The following EGLN1 variants were observed in gnomAD, a reference collection of about 807,000 sequenced individuals.
The protein encoded by EGLN1 is egl nine homolog 1.
Under a neutral mutation model 38.3 loss-of-function variants are expected in EGLN1, and 17 were observed. That is an observed-to-expected ratio of 0.44 (90% CI 0.30 to 0.67). The LOEUF (loss-of-function observed/expected upper bound fraction) is 0.67. EGLN1 is among the 30% of genes least tolerant of loss of function. EGLN1 has a pLI of 0.08. For synonymous variants in EGLN1, 283 were observed against 257.5 expected, an observed-to-expected ratio of 1.10 and a Z score of -0.95; for missense variants, 477 against 603.3, an observed-to-expected ratio of 0.79 and a Z score of 2.19.
At chr1:231,411,683 C>T (rs1688945681) in intron 1 of EGLN1, among the ~76,000 whole-genome samples, 1 of 152,058 alleles carries the variant, frequency 6.6e-6, no homozygotes, top group African/African-American at 2.4e-5. Flanking sequence ...GAATCAAAAG[C>T]AAGGCTTCCT....
At chr1:231,382,304 C>G (rs980431693) in intron 1 of EGLN1, among the ~76,000 whole-genome samples, 4 of 152,096 alleles carry the variant, frequency 2.6e-5, no homozygotes, top group African/African-American at 7.2e-5. Flanking sequence ...TTTTAATGGA[C>G]TAGAGGACAT....
intron 1 of EGLN1, among the ~76,000 whole-genome samples, chr1:231,380,291 G>A (rs1688051141): frequency 7.0e-6 from 1 of 142,600 alleles, no homozygotes; most frequent in Admixed American, 7.4e-5. Flanking sequence ...ACTCAAGCCT[G>A]GGCGACAGAG....
At position 231,363,981 on chromosome 1, in the gene EGLN1, A is replaced by G. The variant is rs1687568723; in HGVS notation, c.*2430T>C. On this transcript the variant is annotated 3_prime_UTR_variant, in exon 5 of 5. Coordinates refer to ENST00000366641, the MANE Select transcript of EGLN1 (RefSeq NM_022051.3). ...GCTTTATCTTTAACCAGGATTAAAC[A>G]CATATAGGCCACAAACAGTTTTAAA... 6.6e-6 allele frequency: 1 copy of G among 152,210 alleles called. No homozygotes were observed. The highest frequency in any genetic ancestry group is 2.4e-5 in the African/African-American group (1 of 41,444). The allele number at this position is 152,210 out of a possible 1,614,324, so 9.4% of individuals were successfully genotyped here.
Position 231,387,626 on chromosome 1 carries a change from T to TG in EGLN1, c.892-13528dup, listed in dbSNP as rs563329544. On this transcript the variant is annotated intron_variant, in intron 1 of 4. Transcript: ENST00000366641. ...TGCCCGCCTCGGCCTCCCAAAGTGC[T>TG]GGGATTATAGGCGTGAGCCACCACA... Among the ~76,000 whole-genome samples the TG allele has an allele frequency of 1.0e-3, 157 of 152,324 alleles. 1 individual carries two copies. The highest frequency in any genetic ancestry group is 3.7e-3 in the African/African-American group (152 of 41,566).
intron 1 of EGLN1, among the ~76,000 whole-genome samples, chr1:231,401,191 A>G (rs1214559966): frequency 2.0e-5 from 3 of 152,222 alleles, no homozygotes; most frequent in Non-Finnish European, 2.9e-5. Context: ...GTTAAGCTCT[A>G]GAATCAAACT....
chr1:231,420,596 C>T (rs1330598137), intron 1 of EGLN1, among the ~76,000 whole-genome samples: 1 of 152,142 alleles, frequency 6.6e-6, no homozygotes, highest in Non-Finnish European at 1.5e-5. Flanking sequence ...ACAGCTTATG[C>T]AAACACAAGG....
At chr1:231,369,603 G>A (rs558948855) in intron 3 of EGLN1, 14 of 985,054 alleles carry the variant, frequency 1.4e-5, no homozygotes, top group East Asian at 1.1e-4. Flanking sequence ...TACTCAGTAC[G>A]TGAATTAGGA....
At chr1:231,417,488 AC>A (rs1689114790) in intron 1 of EGLN1, among the ~76,000 whole-genome samples, 1 of 151,936 alleles carries the variant, frequency 6.6e-6, no homozygotes, top group East Asian at 1.9e-4. Context: ...TTCCTCCTGT[AC>A]CCCCAAGTCA....
At chr1:231,404,784 C>G (rs914029191) in intron 1 of EGLN1, among the ~76,000 whole-genome samples, 9 of 151,862 alleles carry the variant, frequency 5.9e-5, no homozygotes, top group Non-Finnish European at 1.2e-4. Flanking sequence ...TAAAATATTG[C>G]CACTTGACTT....
intron 1 of EGLN1, among the ~76,000 whole-genome samples, chr1:231,407,838 G>A (rs995325008): frequency 2.0e-5 from 3 of 152,014 alleles, no homozygotes; most frequent in South Asian, 2.1e-4. Context: ...TGGAAAATAG[G>A]GACTAGAAAC....
chr1:231,379,619 G>A (rs1199373162), intron 1 of EGLN1, among the ~76,000 whole-genome samples: 1 of 152,170 alleles, frequency 6.6e-6, no homozygotes. Context: ...CCATTCTACT[G>A]CAAGGTGCAC....
Position 231,370,593 on chromosome 1 carries a change from G to A in EGLN1, c.1117C>T (p.Pro373Ser). 6.2e-7 allele frequency: 1 copy of A among 1,614,028 alleles called. No homozygotes were observed. Among genetic ancestry groups the A allele is most frequent in the Non-Finnish European group, 8.5e-7 (1 of 1,180,016 alleles). ...LLFFWSDRRNPHEVQPAYATR... is the reference protein window; with the variant it reads ...LLFFWSDRRNSHEVQPAYATR... ...GCATATGCTGGTTGTACTTCATGAG[G>A]GTTGCGACGGTCAGACCAGAAAAAC... The change falls in exon 3 of 5, where the codon CCT becomes TCT. Residue 373 changes from proline to serine, a missense_variant. Pro to Ser is a moderately conservative substitution (Grantham distance 74). Transcript: ENST00000366641.
rs1325977207 is a variant in EGLN1, at chr1:231,364,744, T to A, written c.*1667A>T. On this transcript the variant is annotated 3_prime_UTR_variant, in exon 5 of 5. Coordinates refer to ENST00000366641, the MANE Select transcript of EGLN1 (RefSeq NM_022051.3). ...TCTTAAGTTGAAATATACAGAAAAT[T>A]TCTGTATACTCACATTTTGGCAAAG... 2 of 152,150 alleles carry A rather than the reference T, an allele frequency of 1.3e-5. No individual in the cohort carries two copies. The highest frequency in any genetic ancestry group is 2.9e-5 in the Non-Finnish European group (2 of 68,026). The allele number at this position is 152,150 out of a possible 1,614,324, so 9.4% of individuals were successfully genotyped here. A position where few individuals can be genotyped will look rare whatever the true frequency, so the allele number is the denominator to read the frequency against.
chr1:231,399,593 A>G (rs372463388), intron 1 of EGLN1, among the ~76,000 whole-genome samples: 2 of 152,226 alleles, frequency 1.3e-5, no homozygotes, highest in Non-Finnish European at 2.9e-5. Flanking sequence ...AGAGGCGAGT[A>G]GAAGCAGGTG....
chr1:231,374,569 G>A (rs567172791), intron 1 of EGLN1, among the ~76,000 whole-genome samples: 2 of 151,020 alleles, frequency 1.3e-5, no homozygotes, highest in East Asian at 3.9e-4. Context: ...TCAGGTTCGA[G>A]TGCAGTGATG....
intron 2 of EGLN1, among the ~76,000 whole-genome samples, chr1:231,371,733 G>A (rs949816954): frequency 3.3e-5 from 5 of 152,148 alleles, no homozygotes; most frequent in African/African-American, 1.2e-4. Context: ...CGGGGTTTAC[G>A]ATCTGGGGAT....
At chr1:231,387,255 ACCCC>A (rs200514348) in intron 1 of EGLN1, among the ~76,000 whole-genome samples, 3 of 127,868 alleles carry the variant, frequency 2.3e-5, no homozygotes, top group Non-Finnish European at 5.3e-5. Context: ...ACACACACAC[ACCCC>A]CCTAATTAAA....
At position 231,421,580 on chromosome 1, in the gene EGLN1, G is replaced by A. The variant is rs1656613846; in HGVS notation, c.309C>T (p.Ala103=). The change falls in exon 1 of 5, where the codon GCC becomes GCT. Residue 103 remains alanine (A), a synonymous_variant. Transcript: ENST00000366641. The surrounding 1 kb of genome is among the most constrained non-coding windows in gnomAD (Gnocchi z 5.5). The stretch of plus-strand genomic sequence containing the variant: ...CTTTTCCCTTGGCCGCGTCCCCGGA[G>A]GCGTTGTCCCGGCGCGCCGCTGCCT... ...PRKAAARRDN[A]SGDAAKGKVK... The A allele has an allele frequency of 1.5e-6, 2 of 1,314,524 alleles. No homozygotes were observed. Among genetic ancestry groups the A allele is most frequent in the African/African-American group, 1.6e-5 (1 of 64,462 alleles). The allele number at this position is 1,314,524 out of a possible 1,614,324, so 81.4% of individuals were successfully genotyped here. A position where few individuals can be genotyped will look rare whatever the true frequency, so the allele number is the denominator to read the frequency against.
At chr1:231,413,931 G>A (rs893522886) in intron 1 of EGLN1, among the ~76,000 whole-genome samples, 1 of 152,146 alleles carries the variant, frequency 6.6e-6, no homozygotes, top group Non-Finnish European at 1.5e-5. Context: ...CTTCAGAAAT[G>A]AAACTAATTC....
Sources: allele counts gnomAD v4.1 joint callset (sites outside exome capture counted in the v4.1 genomes callset), GRCh38; gene constraint gnomAD v4.1.1; non-coding constraint Gnocchi (gnomAD v3.1); transcripts MANE v1.5; gene names NCBI Gene and HGNC (gene_info 2026-07-23, HGNC 2026-07-21).